Variants in TRAPPC9 observed in about 807,000 individuals in gnomAD.
TRAPPC9 encodes IKK2 binding protein.
Under a neutral mutation model 124.0 loss-of-function variants are expected in TRAPPC9, and 83 were observed. The observed-to-expected ratio is 0.67, with a 90% CI of 0.56 to 0.80. The LOEUF is 0.80. TRAPPC9 is among the 30% of genes least tolerant of loss of function. TRAPPC9 has a pLI of 0.00. For missense variants in TRAPPC9, 1,302 were observed against 1,508.3 expected, an observed-to-expected ratio of 0.86 and a Z score of 2.27; for synonymous variants, 638 against 617.5, an observed-to-expected ratio of 1.03 and a Z score of -0.49.
At chr8:139,877,962 C>G (rs1305864382) in intron 21 of TRAPPC9, among the ~76,000 whole-genome samples, 1 of 152,220 alleles carries the variant, frequency 6.6e-6, no homozygotes, top group East Asian at 1.9e-4. Context: ...CTGCTGTCAT[C>G]ATCACACAAT....
intron 5 of TRAPPC9, among the ~76,000 whole-genome samples, chr8:140,424,523 C>G (rs540467787): frequency 6.6e-6 from 1 of 151,554 alleles, no homozygotes; most frequent in African/African-American, 2.4e-5. Flanking sequence ...GTAGTCCCAG[C>G]TACTCCAGAG....
intron 17 of TRAPPC9, among the ~76,000 whole-genome samples, chr8:140,071,650 C>T (rs1843163835): frequency 6.6e-6 from 1 of 152,126 alleles, no homozygotes; most frequent in Non-Finnish European, 1.5e-5. Context: ...GTAACGCCTG[C>T]CCCACAGGGT....
intron 21 of TRAPPC9, among the ~76,000 whole-genome samples, chr8:139,829,712 G>A (rs975261235): frequency 2.5e-4 from 38 of 152,214 alleles, no homozygotes; most frequent in African/African-American, 8.9e-4. Flanking sequence ...ACACAAGAGC[G>A]AAAAGAATGG....
intron 21 of TRAPPC9, among the ~76,000 whole-genome samples, chr8:139,827,972 C>T (rs1026447180): frequency 3.3e-5 from 5 of 152,150 alleles, no homozygotes; most frequent in East Asian, 1.9e-4. Flanking sequence ...CCAAATCTTA[C>T]GTGAACTCAC....
chr8:140,163,529 G>A lies in TRAPPC9; in HGVS notation c.2556+57930C>T, dbSNP rs557629315. 1.1e-4 allele frequency among the ~76,000 whole-genome samples: 16 copies of A among 152,202 alleles called. No individual in the cohort carries two copies. In the South Asian group the frequency reaches 1.2e-3, roughly 12 times the overall value. Reference sequence around the variant, plus strand: ...GAAATAATGAATAACTGAATGAAGCGCTGAATGAATGACTTTGGTGGGAAA... The same window carrying A: ...GAAATAATGAATAACTGAATGAAGCACTGAATGAATGACTTTGGTGGGAAA... On this transcript the variant is annotated intron_variant, in intron 17 of 22. Coordinates refer to ENST00000438773, the MANE Select transcript of TRAPPC9 (RefSeq NM_001160372.4).
At chr8:140,306,076 A>G (rs1018563162) in intron 10 of TRAPPC9, among the ~76,000 whole-genome samples, 1 of 152,298 alleles carries the variant, frequency 6.6e-6, no homozygotes, top group Admixed American at 6.5e-5. Flanking sequence ...AGTATCCCTC[A>G]CACATCATCA....
At chr8:139,928,522 C>T (rs917007553) in intron 19 of TRAPPC9, among the ~76,000 whole-genome samples, 3 of 151,566 alleles carry the variant, frequency 2.0e-5, no homozygotes, top group African/African-American at 4.8e-5. Context: ...AAAAGAAACA[C>T]CTGGGTTCAA....
At chr8:140,323,073 C>T (rs1366893961) in intron 9 of TRAPPC9, among the ~76,000 whole-genome samples, 7 of 152,066 alleles carry the variant, frequency 4.6e-5, no homozygotes, top group East Asian at 1.9e-4. Flanking sequence ...CCACGGGGGA[C>T]GGGAGAGAGA....
At chr8:140,259,374 CA>C (rs1563890044) in intron 15 of TRAPPC9, among the ~76,000 whole-genome samples, 1 of 152,168 alleles carries the variant, frequency 6.6e-6, no homozygotes, top group Non-Finnish European at 1.5e-5. Context: ...ACCAAACGGT[CA>C]AAAACGGAAG....
At chr8:139,836,249 T>C (rs1826341008) in intron 21 of TRAPPC9, among the ~76,000 whole-genome samples, 1 of 152,166 alleles carries the variant, frequency 6.6e-6, no homozygotes, top group South Asian at 2.1e-4. Flanking sequence ...CCTCAGGTGA[T>C]CCACCCACCT....
chr8:140,096,643 G>C (rs916555902), intron 17 of TRAPPC9: 1 of 152,226 alleles, frequency 6.6e-6, no homozygotes, highest in African/African-American at 2.4e-5. Flanking sequence ...GGAAAAAGTT[G>C]CCATCAACAA....
At chr8:140,190,125 T>C (rs1318908672) in intron 17 of TRAPPC9, among the ~76,000 whole-genome samples, 1 of 152,032 alleles carries the variant, frequency 6.6e-6, no homozygotes, top group African/African-American at 2.4e-5. Flanking sequence ...AGTGAACAAG[T>C]TACTAAAACT....
At chr8:140,270,892 G>C (rs547949356) in intron 15 of TRAPPC9, among the ~76,000 whole-genome samples, 1 of 152,242 alleles carries the variant, frequency 6.6e-6, no homozygotes. Context: ...ACAGGGCCGC[G>C]GGGGCCAGGG....
At chr8:139,785,289 C>A (rs1012993512) in intron 21 of TRAPPC9, among the ~76,000 whole-genome samples, 1 of 152,120 alleles carries the variant, frequency 6.6e-6, no homozygotes, top group Non-Finnish European at 1.5e-5. Flanking sequence ...GAATCAGAGG[C>A]CCAAATGTAG....
At chr8:140,141,419 A>T (rs1398984161) in intron 17 of TRAPPC9, among the ~76,000 whole-genome samples, 1 of 152,120 alleles carries the variant, frequency 6.6e-6, no homozygotes, top group Non-Finnish European at 1.5e-5. Flanking sequence ...AGATTTTTTT[A>T]AAACCCAGTA....
intron 17 of TRAPPC9, among the ~76,000 whole-genome samples, chr8:140,148,963 C>T (rs1195041360): frequency 6.6e-6 from 1 of 152,124 alleles, no homozygotes; most frequent in Admixed American, 6.5e-5. Context: ...ATGATGCTTC[C>T]TGAAGAAGCT....
chr8:140,045,474 A>G (rs1005659265), intron 17 of TRAPPC9, among the ~76,000 whole-genome samples: 1 of 151,914 alleles, frequency 6.6e-6, no homozygotes. Context: ...TAAAAACACA[A>G]AAATTAGCTG....
intron 21 of TRAPPC9, among the ~76,000 whole-genome samples, chr8:139,749,954 C>T (rs906432257): frequency 6.6e-6 from 1 of 152,164 alleles, no homozygotes; most frequent in African/African-American, 2.4e-5. Flanking sequence ...TCCCTCTGTC[C>T]TAGGCTTGGG....
At position 140,430,065 on chromosome 8, in the gene TRAPPC9, C is replaced by T. The variant is rs368004472; in HGVS notation, c.860-3424G>A. On this transcript the variant is annotated intron_variant, in intron 4 of 22. Coordinates refer to ENST00000438773, the MANE Select transcript of TRAPPC9 (RefSeq NM_001160372.4). ...GGGAGGCTGAGGCAGGAGAATCACT[C>T]GAACCCGGGACGCAGAGGTTGCAGT... Among the ~76,000 whole-genome samples, 4 of 147,498 alleles carry T rather than the reference C, an allele frequency of 2.7e-5. No individual in the cohort carries two copies. The East Asian group carries it at 8.2e-4, about 30-fold the overall frequency.
Sources: allele counts gnomAD v4.1 joint callset (sites outside exome capture counted in the v4.1 genomes callset), GRCh38; gene constraint gnomAD v4.1.1; transcripts MANE v1.5; gene names NCBI Gene and HGNC (gene_info 2026-07-23, HGNC 2026-07-21).